MYO16: variants seen among roughly 807,000 people sequenced by gnomAD.
MYO16 encodes myosin XVI.
A neutral mutation model predicts 205.3 loss-of-function variants in MYO16; 94 were observed. The ratio of observed to expected loss-of-function variants is 0.46; its 90% CI spans 0.39 to 0.54. MYO16 has a LOEUF of 0.54. MYO16 is among the 20% of genes least tolerant of loss of function. The pLI is 0.00. For synonymous variants in MYO16, 988 were observed against 954.0 expected, an observed-to-expected ratio of 1.04 and a Z score of -0.66; for missense variants, 2,315 against 2,387.5, an observed-to-expected ratio of 0.97 and a Z score of 0.63.
chr13:108,591,928 G>C (rs61971794), upstream of MYO16, among the ~76,000 whole-genome samples: 1 of 151,746 alleles, frequency 6.6e-6, no homozygotes, highest in East Asian at 1.9e-4. Flanking sequence ...CTTTTCTAGC[G>C]TGGAGACTAA....
At chr13:108,965,557 C>T (rs561169668) in intron 20 of MYO16, among the ~76,000 whole-genome samples, 2 of 152,302 alleles carry the variant, frequency 1.3e-5, no homozygotes, top group South Asian at 4.1e-4. Context: ...CAGGCATGCG[C>T]CACCACACCC....
At chr13:108,888,639 C>T (rs559111694) in intron 14 of MYO16, among the ~76,000 whole-genome samples, 162 bp downstream of exon 14, 38 of 152,234 alleles carry the variant, frequency 2.5e-4, no homozygotes, top group South Asian at 4.2e-4. Context: ...AAATACTGTT[C>T]GAGTGAACAT....
At chr13:109,101,913 G>A (rs1432437911) in intron 28 of MYO16, 1 of 152,144 alleles carries the variant, frequency 6.6e-6, no homozygotes, top group Non-Finnish European at 1.5e-5. Flanking sequence ...TGATGATTCA[G>A]AATTGCTGAA....
chr13:108,922,092 G>C (rs547606307), intron 16 of MYO16, among the ~76,000 whole-genome samples: 1 of 152,332 alleles, frequency 6.6e-6, no homozygotes, highest in East Asian at 1.9e-4. Context: ...GTGCGGCTCT[G>C]TCCAGAGCTG....
chr13:109,044,911 A>G (rs1886991151), intron 23 of MYO16, among the ~76,000 whole-genome samples: 1 of 152,100 alleles, frequency 6.6e-6, no homozygotes, highest in Non-Finnish European at 1.5e-5. Context: ...GCTGGTCTCA[A>G]ACTCCTGACC....
intron 4 of MYO16, among the ~76,000 whole-genome samples, chr13:108,759,714 C>T (rs34106584): frequency 6.6e-6 from 1 of 151,066 alleles, no homozygotes; most frequent in Non-Finnish European, 1.5e-5. Flanking sequence ...CCAGCTACTC[C>T]GGAGGCTAAG....
chr13:109,161,359 G>C (rs113620340), intron 32 of MYO16, among the ~76,000 whole-genome samples: 7 of 152,232 alleles, frequency 4.6e-5, no homozygotes, highest in African/African-American at 1.4e-4. Flanking sequence ...GAATGACTGT[G>C]TGGGGACTGC....
intron 2 of MYO16, among the ~76,000 whole-genome samples, chr13:108,708,847 T>C (rs1009879862): frequency 6.6e-6 from 1 of 152,156 alleles, no homozygotes; most frequent in Non-Finnish European, 1.5e-5. Context: ...ACTATTGTGA[T>C]TGGTTATTGT....
intron 2 of MYO16, among the ~76,000 whole-genome samples, chr13:108,697,323 T>C (rs1883129806): frequency 6.6e-6 from 1 of 152,196 alleles, no homozygotes; most frequent in African/African-American, 2.4e-5. Flanking sequence ...CCCACTCCCC[T>C]CGACAGTGCT....
At chr13:108,571,550 GA>G in the MYO16 span, among the ~76,000 whole-genome samples, 8 of 152,096 alleles carry the variant, frequency 5.3e-5, no homozygotes, top group African/African-American at 1.9e-4. Context: ...GGCAAATGTG[GA>G]AAACGAAATG....
chr13:108,922,305 G>A lies in MYO16; in HGVS notation c.1925+12155G>A, dbSNP rs572104668. On this transcript the variant is annotated intron_variant, in intron 16 of 34. Coordinates refer to ENST00000457511, the MANE Select transcript of MYO16 (RefSeq NM_001198950.3). ...AGCCCTGGGAGGCCTGTTGGGTGGG[G>A]CAGCCAGAACCTGGTTACATGCCAG... Among the ~76,000 whole-genome samples, 5 of 152,314 alleles carry A rather than the reference G, an allele frequency of 3.3e-5. No homozygotes were observed. The East Asian group carries it at 9.7e-4, about 29-fold the overall frequency.
At chr13:108,798,948 A>G (rs1052665894) in intron 6 of MYO16, among the ~76,000 whole-genome samples, 2 of 140,806 alleles carry the variant, frequency 1.4e-5, no homozygotes, top group Non-Finnish European at 3.1e-5. Context: ...CTCATGATCC[A>G]CCCGCCTCGG....
chr13:108,637,600 C>T lies in MYO16; in HGVS notation c.28+7728C>T, dbSNP rs894411035. Reference sequence around the variant, plus strand: ...GGCTAAAGATATAAAGATGGCTGGGCACAGTGGCTCACGCTTGTAATCCCA... The same window carrying T: ...GGCTAAAGATATAAAGATGGCTGGGTACAGTGGCTCACGCTTGTAATCCCA... On this transcript the variant is annotated intron_variant, in intron 1 of 34. Transcript: ENST00000457511. Among the ~76,000 whole-genome samples, 4 of 152,126 alleles carry T rather than the reference C, an allele frequency of 2.6e-5. No homozygotes were observed. In the South Asian group the frequency reaches 6.2e-4, roughly 24 times the overall value.
chr13:109,092,329 C>T (rs1888649062), intron 27 of MYO16, among the ~76,000 whole-genome samples: 2 of 150,632 alleles, frequency 1.3e-5, no homozygotes, highest in South Asian at 4.2e-4. Context: ...TTAAAATCAA[C>T]CTAAATGCCC....
chr13:109,055,091 C>A lies in MYO16; in HGVS notation c.3094C>A (p.Arg1032=). 6.3e-7 allele frequency: 1 copy of A among 1,586,444 alleles called. No homozygotes were observed. Among genetic ancestry groups the A allele is most frequent in the Non-Finnish European group, 8.5e-7 (1 of 1,169,920 alleles). ...TTCTACATTTCTTCAAAGATTGGAA[C>A]GAGGAGATCCAGTCACCATAGCATC... ...GTSTFLQRLE[R]GDPVTIASQL... is the part of the protein sequence containing the mutation. The change falls in exon 26 of 35, where the codon CGA becomes AGA. Residue 1032 remains arginine, a synonymous_variant. Coordinates refer to ENST00000457511, the MANE Select transcript of MYO16 (RefSeq NM_001198950.3). The surrounding 1 kb of genome is among the most constrained non-coding windows in gnomAD (Gnocchi z 5.0).
At chr13:108,973,841 C>T (rs1371131185) in intron 20 of MYO16, among the ~76,000 whole-genome samples, 1 of 152,068 alleles carries the variant, frequency 6.6e-6, no homozygotes, top group African/African-American at 2.4e-5. Flanking sequence ...AAAAATTGTA[C>T]TTCTTCATTA....
At chr13:108,523,906 G>T in the MYO16 span, among the ~76,000 whole-genome samples, 1 of 152,352 alleles carries the variant, frequency 6.6e-6, no homozygotes, top group African/African-American at 2.4e-5. Context: ...GAGGTAGATT[G>T]GATCCTAGGC....
the MYO16 span, among the ~76,000 whole-genome samples, chr13:108,588,095 AT>A: frequency 6.6e-6 from 1 of 152,116 alleles, no homozygotes; most frequent in East Asian, 1.9e-4. Flanking sequence ...CCTTTAAAAT[AT>A]TTTTTCCGAG....
At chr13:108,991,079 C>G (rs1351190048) in intron 20 of MYO16, among the ~76,000 whole-genome samples, 2 of 152,150 alleles carry the variant, frequency 1.3e-5, no homozygotes, top group African/African-American at 4.8e-5. Context: ...AGCAGTTGTC[C>G]CATTCATACT....
Sources: allele counts gnomAD v4.1 joint callset (sites outside exome capture counted in the v4.1 genomes callset), GRCh38; gene constraint gnomAD v4.1.1; non-coding constraint Gnocchi (gnomAD v3.1); transcripts MANE v1.5; gene names NCBI Gene and HGNC (gene_info 2026-07-23, HGNC 2026-07-21).